The following CFAP43 variants were observed in gnomAD, a reference collection of about 807,000 sequenced individuals.
CFAP43 encodes cilia and flagella associated protein 43.
CFAP43 carries 155 observed loss-of-function variants against 218.9 expected under a neutral mutation model. The ratio of observed to expected loss-of-function variants is 0.71; its 90% CI spans 0.62 to 0.81. CFAP43 has a LOEUF of 0.81. Among genes scored for constraint, CFAP43 ranks in the 30% least tolerant of loss-of-function variants. CFAP43 has a pLI of 0.00. For missense variants in CFAP43, 1,778 were observed against 1,954.3 expected (o/e 0.91, Z 1.70); for synonymous variants, 645 against 681.3 (o/e 0.95, Z 0.83).
intron 5 of CFAP43, among the ~76,000 whole-genome samples, chr10:104,209,956 C>T (rs2090804164): frequency 6.6e-6 from 1 of 152,074 alleles, no homozygotes; most frequent in Non-Finnish European, 1.5e-5. Context: ...CTACATACAT[C>T]CCCCTGTAAA....
intron 27 of CFAP43, among the ~76,000 whole-genome samples, chr10:104,153,808 C>T (rs1286970513): frequency 1.3e-5 from 2 of 151,198 alleles, no homozygotes; most frequent in Admixed American, 6.6e-5. Flanking sequence ...ACCCCCTGCC[C>T]CTCTGCCCCC....
intron 2 of CFAP43, among the ~76,000 whole-genome samples, chr10:104,229,567 G>A (rs2091394150): frequency 6.6e-6 from 1 of 151,540 alleles, no homozygotes; most frequent in African/African-American, 2.4e-5. Flanking sequence ...GGGAGGCCAA[G>A]GCAGGAGAAT....
At chr10:104,214,233 G>GCTA in intron 4 of CFAP43, 26 bp downstream of exon 4, 13 of 1,537,962 alleles carry the variant, frequency 8.5e-6, no homozygotes, top group Non-Finnish European at 1.1e-5. Context: ...CCACCATGTT[G>GCTA]CTACTGTTGT....
intron 14 of CFAP43, among the ~76,000 whole-genome samples, chr10:104,186,580 G>A (rs955146473): frequency 5.3e-5 from 8 of 151,974 alleles, no homozygotes; most frequent in Non-Finnish European, 1.2e-4. Flanking sequence ...CTATATGAGC[G>A]CTGCCCACCA....
chr10:104,161,265 T>C, intron 26 of CFAP43, 103 bp from the exon 27 acceptor site: 1 of 1,266,558 alleles, frequency 7.9e-7, no homozygotes, highest in Non-Finnish European at 1.1e-6. Context: ...AAGGATACAG[T>C]CCTTCACATT....
chr10:104,170,322 A>C lies in CFAP43; in HGVS notation c.2587-1474T>G, dbSNP rs74154746. Among the ~76,000 whole-genome samples the C allele has an allele frequency of 6.3e-3, 961 of 152,188 alleles. 11 individuals are homozygous for C. The highest frequency in any genetic ancestry group is 0.02 in the African/African-American group (837 of 41,520). ...AGCATGAATTTGGTAAGTGGCAAGG[A>C]GGGGCATCTGGGGCAGAGGCACAGG... On this transcript the variant is annotated intron_variant, in intron 20 of 37. Coordinates refer to ENST00000357060, the MANE Select transcript of CFAP43 (RefSeq NM_025145.7).
In CFAP43 at chr10:104,165,666, T is replaced by G. The variant is rs1397511462; in HGVS notation, c.3039+822A>C. Among the ~76,000 whole-genome samples the G allele has an allele frequency of 2.6e-5, 4 of 151,766 alleles. No homozygotes were observed. In the East Asian group the frequency reaches 7.7e-4, roughly 29 times the overall value. ...CCTTCAGTCAGGGTTTCTACATGTA[T>G]AGACGTATTCTAAGACTGTTTGGTG... is the stretch of plus-strand genomic sequence containing the variant. On this transcript the variant is annotated intron_variant, in intron 23 of 37. Coordinates refer to ENST00000357060, the MANE Select transcript of CFAP43 (RefSeq NM_025145.7).
chr10:104,227,699 T>C (rs74474958), intron 2 of CFAP43, among the ~76,000 whole-genome samples: 1,772 of 152,236 alleles, frequency 0.012, 26 homozygotes, highest in African/African-American at 0.037. Flanking sequence ...CCCTTTTAAT[T>C]TTTCATGGTG....
chr10:104,185,939 C>A, intron 15 of CFAP43, 35 bp downstream of exon 15: 2 of 1,592,570 alleles, frequency 1.3e-6, no homozygotes. Flanking sequence ...TCAATATATA[C>A]ACCCACAATA....
At chr10:104,143,709 C>G in intron 31 of CFAP43, 70 bp from the exon 32 acceptor site, 1 of 1,455,542 alleles carries the variant, frequency 6.9e-7, no homozygotes, top group East Asian at 2.3e-5. Context: ...AACAATTAGG[C>G]CCTTAGCACA....
intron 23 of CFAP43, among the ~76,000 whole-genome samples, chr10:104,165,342 G>A (rs1030967298): frequency 6.6e-6 from 1 of 152,154 alleles, no homozygotes; most frequent in African/African-American, 2.4e-5. Context: ...AATTTCTCTT[G>A]GGCTGAAATT....
chr10:104,177,061 C>T (rs2089656106), intron 19 of CFAP43, among the ~76,000 whole-genome samples: 1 of 152,022 alleles, frequency 6.6e-6, no homozygotes, highest in African/African-American at 2.4e-5. Flanking sequence ...TATTAGTAAT[C>T]AGGAAAATAA....
intron 27 of CFAP43, among the ~76,000 whole-genome samples, chr10:104,158,400 T>C (rs2088688996): frequency 6.6e-6 from 1 of 152,164 alleles, no homozygotes; most frequent in South Asian, 2.1e-4. Context: ...AACCTCCTGA[T>C]ACGATGCACT....
At position 104,230,740 on chromosome 10, in the gene CFAP43, T is replaced by C. The variant is rs2091427774; in HGVS notation, c.169A>G (p.Lys57Glu). 6.2e-7 allele frequency: 1 copy of C among 1,614,094 alleles called. No individual in the cohort carries two copies. Among genetic ancestry groups the C allele is most frequent in the Non-Finnish European group, 8.5e-7 (1 of 1,180,008 alleles). The change falls in exon 2 of 38, where the codon AAA (lysine) becomes GAA (glutamate). Residue 57 changes from lysine to glutamate, a missense_variant. Transcript: ENST00000357060. ...TTACTACACTGCAGTACAGTCTTTT[T>C]CTTGGTTTCAATATTAATAAATATT... ...YVIFINIETKKKTVLQCSNGI... is the reference protein window; with the variant it reads ...YVIFINIETKEKTVLQCSNGI...
chr10:104,188,874 T>G (rs1419358754), intron 12 of CFAP43, among the ~76,000 whole-genome samples: 1 of 152,210 alleles, frequency 6.6e-6, no homozygotes, highest in Non-Finnish European at 1.5e-5. Context: ...GAAAGCCAGC[T>G]GATCTAACCT....
chr10:104,181,689 C>T (rs897677925), intron 17 of CFAP43, among the ~76,000 whole-genome samples: 2 of 152,178 alleles, frequency 1.3e-5, no homozygotes, highest in African/African-American at 4.8e-5. Context: ...CTCTTTCCCC[C>T]TTTGCCCTGA....
chr10:104,186,855 C>T (rs1407784518), intron 14 of CFAP43, among the ~76,000 whole-genome samples: 3 of 152,028 alleles, frequency 2.0e-5, no homozygotes, highest in Non-Finnish European at 2.9e-5. Flanking sequence ...GGGTACTGGG[C>T]CATTATGTGC....
At position 104,145,581 on chromosome 10, in the gene CFAP43, C is replaced by T. The variant is rs1236282321; in HGVS notation, c.3856-17G>A. ...ATCCATAACCTAAGGACAAACATGA[C>T]ATTTGAGGACTGCAACTTGGTTTGG... On this transcript the variant is annotated splice_polypyrimidine_tract_variant and intron_variant, in intron 30 of 37. Transcript: ENST00000357060. 1 of 1,544,286 alleles carries T rather than the reference C, an allele frequency of 6.5e-7. No homozygotes were observed. The highest frequency in any genetic ancestry group is 8.9e-7 in the Non-Finnish European group (1 of 1,124,720).
intron 3 of CFAP43, among the ~76,000 whole-genome samples, chr10:104,215,633 T>A (rs1399841418): frequency 6.6e-6 from 1 of 152,136 alleles, no homozygotes; most frequent in East Asian, 1.9e-4. Flanking sequence ...AGACCCTCAA[T>A]AGGATCTCCA....
Sources: gnomAD v4.1 joint callset for allele counts (sites outside exome capture counted in the v4.1 genomes callset) on GRCh38, gnomAD v4.1.1 for gene constraint, MANE v1.5 for transcripts, NCBI Gene and HGNC (gene_info 2026-07-23, HGNC 2026-07-21) for gene names.